ADGRL2: variants seen among roughly 807,000 people sequenced by gnomAD.
ADGRL2 encodes adhesion G protein-coupled receptor L2.
In ADGRL2, 44 loss-of-function variants were observed where a neutral mutation model predicts 157.4. The ratio of observed to expected loss-of-function variants is 0.28; its 90% confidence interval spans 0.22 to 0.36. The LOEUF (loss-of-function observed/expected upper bound fraction) is 0.36, where lower values mean the gene tolerates loss of function less well. Ranked by LOEUF, ADGRL2 falls within the 10% of genes least tolerant of loss-of-function variation. The pLI is 1.00. For synonymous variants in ADGRL2, 585 were observed against 624.7 expected (o/e 0.94, Z 0.95); for missense variants, 1,510 against 1,768.9 (o/e 0.85, Z 2.63).
rs116023998 is a variant in ADGRL2, at chr1:81,419,054, C to T, written c.-301-25982C>T. Among the ~76,000 whole-genome samples the T allele has an allele frequency of 9.1e-3, 1,378 of 152,170 alleles. 26 individuals carry two copies. Among genetic ancestry groups the T allele is most frequent in the African/African-American group, 0.031 (1,296 of 41,530 alleles). On this transcript the variant is annotated intron_variant, in intron 1 of 24. Transcript: ENST00000370721. ...TGCAATGCACTAGACTGGTTGCAGACCAAGCAGCAGAACTAAAGCTCAAAA... is the reference window on the plus strand; with the variant it reads ...TGCAATGCACTAGACTGGTTGCAGATCAAGCAGCAGAACTAAAGCTCAAAA...
chr1:81,961,316 G>A (rs1197084623), intron 11 of ADGRL2, among the ~76,000 whole-genome samples: 1 of 151,986 alleles, frequency 6.6e-6, no homozygotes, highest in Admixed American at 6.6e-5. Context: ...TTTGGAAAAA[G>A]AAAATCATAG....
rs1222071224 is a variant in ADGRL2, at chr1:81,824,310, T to C, written c.-100-12575T>C. 2.0e-5 allele frequency among the ~76,000 whole-genome samples: 3 copies of C among 152,214 alleles called. No individual in the cohort carries two copies. In the East Asian group the frequency reaches 5.8e-4, roughly 29 times the overall value. On this transcript the variant is annotated intron_variant, in intron 1 of 23. Transcript: ENST00000686636. ...TATTTATAGACAAGGTCTTTCTCTT[T>C]GTTGTCCAGGCTGGAGTACAGTGGC...
intron 2 of ADGRL2, among the ~76,000 whole-genome samples, chr1:81,771,547 GA>G (rs566413529): frequency 2.6e-5 from 4 of 151,762 alleles, no homozygotes; most frequent in Admixed American, 2.0e-4. Flanking sequence ...AACTAAAGAG[GA>G]AAAAAAATCT....
chr1:81,836,777 A>T (rs891771612), intron 1 of ADGRL2, 108 bp from the exon 2 acceptor site: 38 of 428,000 alleles, frequency 8.9e-5, no homozygotes, highest in Admixed American at 1.8e-4. Flanking sequence ...TGGACATAGA[A>T]TCAAAATATG....
At position 81,426,544 on chromosome 1, in the gene ADGRL2, A is replaced by G. The variant is rs148132479; in HGVS notation, c.-301-18492A>G. 157 of 440,948 alleles carry G rather than the reference A, an allele frequency of 3.6e-4. 1 individual carries two copies. Among genetic ancestry groups the G allele is most frequent in the African/African-American group, 2.9e-3 (146 of 49,546 alleles). 27.3% of individuals were successfully genotyped at this position (440,948 alleles called of 1,614,324 possible). ...GGAGCAGAGGATCATGATCCAAAGG[A>G]ACCAGAGTAGTTGGGAAAACTGTTT... On this transcript the variant is annotated intron_variant, in intron 1 of 24. Transcript: ENST00000370721.
At chr1:81,827,593 T>G (rs1475242870) in intron 1 of ADGRL2, among the ~76,000 whole-genome samples, 1 of 152,140 alleles carries the variant, frequency 6.6e-6, no homozygotes, top group East Asian at 1.9e-4. Flanking sequence ...TGAGATAGAA[T>G]CTCTCTTCGT....
intron 2 of ADGRL2, among the ~76,000 whole-genome samples, chr1:81,466,697 A>G (rs1300073059): frequency 6.6e-6 from 1 of 152,020 alleles, no homozygotes; most frequent in Admixed American, 6.6e-5. Flanking sequence ...ACACACATAC[A>G]CACTATGTCT....
At position 81,503,311 on chromosome 1, in the gene ADGRL2, C is replaced by T. The variant is rs576871477; in HGVS notation, c.-248+58222C>T. ...CGATGGCACCACCTACGCAGGTGTG[C>T]TGTTTGCCCAGAAGCCTGTGGTCCA... On this transcript the variant is annotated intron_variant, in intron 2 of 24. Transcript: ENST00000370721. 1.1e-5 allele frequency: 17 copies of T among 1,614,174 alleles called. No individual in the cohort carries two copies. In the African/African-American group the frequency reaches 1.9e-4, roughly 18 times the overall value.
At chr1:81,606,222 A>G (rs1316239863) in intron 3 of ADGRL2, among the ~76,000 whole-genome samples, 1 of 152,188 alleles carries the variant, frequency 6.6e-6, no homozygotes, top group Non-Finnish European at 1.5e-5. Context: ...ACTTTCAAAA[A>G]TCTGTATTCT....
At chr1:81,951,268 A>G in intron 8 of ADGRL2, 147 bp downstream of exon 8, 1 of 565,676 alleles carries the variant, frequency 1.8e-6, no homozygotes, top group East Asian at 2.9e-5. Context: ...TTTTGTCTGT[A>G]AACTGTTTAT....
intron 1 of ADGRL2, among the ~76,000 whole-genome samples, chr1:81,435,946 A>C (rs2077401554): frequency 6.6e-6 from 1 of 152,030 alleles, no homozygotes. Flanking sequence ...AAAATACAAA[A>C]TTAGCCGGGC....
At chr1:81,610,484 A>G (rs113052055) in intron 3 of ADGRL2, among the ~76,000 whole-genome samples, 345 of 152,310 alleles carry the variant, frequency 2.3e-3, no homozygotes, top group African/African-American at 8.0e-3. Flanking sequence ...AGATGGGATC[A>G]GGAATATGAG....
intron 2 of ADGRL2, among the ~76,000 whole-genome samples, chr1:81,529,842 T>C (rs968706942): frequency 2.0e-5 from 3 of 152,194 alleles, no homozygotes; most frequent in African/African-American, 7.2e-5. Context: ...AGTTTCACCA[T>C]CACACCATAC....
chr1:81,765,803 A>T (rs1182689484), intron 2 of ADGRL2, among the ~76,000 whole-genome samples: 1 of 152,126 alleles, frequency 6.6e-6, no homozygotes, highest in Non-Finnish European at 1.5e-5. Flanking sequence ...TTCATTAAGG[A>T]CAAAAGCTCC....
intron 1 of ADGRL2, among the ~76,000 whole-genome samples, chr1:81,345,840 T>C (rs983210334): frequency 3.3e-5 from 5 of 152,220 alleles, no homozygotes; most frequent in African/African-American, 7.2e-5. Context: ...AGATATTCAA[T>C]TGATATTATG....
At chr1:81,651,437 A>C (rs1027358796) in intron 3 of ADGRL2, among the ~76,000 whole-genome samples, 1 of 152,346 alleles carries the variant, frequency 6.6e-6, no homozygotes, top group African/African-American at 2.4e-5. Context: ...AAGTGTAATA[A>C]AACAATGGCA....
At chr1:81,434,011 C>T (rs1226418719) in intron 1 of ADGRL2, among the ~76,000 whole-genome samples, 1 of 152,150 alleles carries the variant, frequency 6.6e-6, no homozygotes, top group Non-Finnish European at 1.5e-5. Flanking sequence ...AGTGGAAGCT[C>T]AGGGTTCCAA....
rs573122613 is a variant in ADGRL2 at position 81,508,475 on chromosome 1, G to A, written c.-248+63386G>A. 5.3e-5 allele frequency among the ~76,000 whole-genome samples: 8 copies of A among 152,320 alleles called. No individual in the cohort carries two copies. The South Asian group carries it at 6.2e-4, about 12-fold the overall frequency. On this transcript the variant is annotated intron_variant, in intron 2 of 24. Coordinates refer to the ADGRL2 transcript ENST00000370721. ...AGTGTGCTCATGAGGCATTACAAAC[G>A]TTATATGTGAATGAGGAGACAAGGA... is the stretch of plus-strand genomic sequence containing the variant.
chr1:81,891,764 A>G (rs368176463), intron 2 of ADGRL2, among the ~76,000 whole-genome samples: 1 of 152,044 alleles, frequency 6.6e-6, no homozygotes, highest in Non-Finnish European at 1.5e-5. Context: ...AGTTTGAGGT[A>G]GATCGATTTA....
Sources: allele counts gnomAD v4.1 joint callset (sites outside exome capture counted in the v4.1 genomes callset), GRCh38; gene constraint gnomAD v4.1.1; transcripts MANE v1.5; gene names NCBI Gene and HGNC (gene_info 2026-07-23, HGNC 2026-07-21).